BBOX1: variants seen among roughly 807,000 people sequenced by gnomAD.
BBOX1 encodes gamma-butyrobetaine dioxygenase.
In BBOX1, 35 loss-of-function variants were observed where a neutral mutation model predicts 41.6. The ratio of observed to expected loss-of-function variants is 0.84; its 90% CI spans 0.64 to 1.11. The LOEUF is 1.11. BBOX1 is among the 50% of genes most tolerant of loss of function. The pLI, the probability that BBOX1 is intolerant of heterozygous loss-of-function variation, is 0.00. For missense variants in BBOX1, 458 were observed against 460.6 expected (o/e 0.99, Z 0.05); for synonymous variants, 163 against 154.7 (o/e 1.05, Z -0.40).
At chr11:27,116,484 A>T (rs1859268721) in intron 6 of BBOX1, among the ~76,000 whole-genome samples, 1 of 143,422 alleles carries the variant, frequency 7.0e-6, no homozygotes, top group Non-Finnish European at 1.5e-5. Flanking sequence ...AAAAAAAAAA[A>T]TAATAACTCA....
At chr11:27,048,092 T>C (rs772458023) in intron 2 of BBOX1, among the ~76,000 whole-genome samples, 8 of 152,156 alleles carry the variant, frequency 5.3e-5, no homozygotes, top group African/African-American at 1.9e-4. Flanking sequence ...TAACTTTACA[T>C]AGTTATCATT....
At chr11:27,113,768 C>G (rs1019215629) in intron 5 of BBOX1, among the ~76,000 whole-genome samples, 1 of 150,968 alleles carries the variant, frequency 6.6e-6, no homozygotes, top group Non-Finnish European at 1.5e-5. Flanking sequence ...TGCAATTTAC[C>G]TATATAACAA....
At chr11:27,067,077 G>A (rs1857310408) in intron 4 of BBOX1, among the ~76,000 whole-genome samples, 1 of 152,114 alleles carries the variant, frequency 6.6e-6, no homozygotes, top group South Asian at 2.1e-4. Flanking sequence ...TTCTCAAGCA[G>A]TGCAATGTTG....
chr11:27,074,564 G>C (rs1008586950), intron 4 of BBOX1, among the ~76,000 whole-genome samples: 24 of 152,108 alleles, frequency 1.6e-4, no homozygotes, highest in African/African-American at 5.8e-4. Flanking sequence ...AAGAAGAAAG[G>C]CAGCATTTTG....
At position 27,115,526 on chromosome 11, in the gene BBOX1, C is replaced by T. The variant is rs373922392; in HGVS notation, c.608C>T (p.Thr203Ile). ...AYTTGKLSFH[T>I]DYPALHHPPG... is the part of the protein sequence containing the mutation. ...ACAACTGGGAAGCTAAGCTTTCACA[C>T]TGATTATCCAGCCCTCCATCATCCA... The change falls in exon 6 of 9, where the codon ACT (threonine) becomes ATT (isoleucine). Residue 203 changes from threonine (T) to isoleucine (I), a missense_variant. By Grantham distance (89) the Thr-to-Ile change is moderately conservative. Coordinates refer to ENST00000263182, the MANE Select transcript of BBOX1 (RefSeq NM_003986.3). The T allele has an allele frequency of 1.9e-6, 3 of 1,611,032 alleles. No homozygotes were observed. Among genetic ancestry groups the T allele is most frequent in the East Asian group, 2.2e-5 (1 of 44,752 alleles).
chr11:27,093,740 G>T (rs1283543573), intron 5 of BBOX1, among the ~76,000 whole-genome samples: 2 of 151,938 alleles, frequency 1.3e-5, no homozygotes, highest in East Asian at 3.9e-4. Flanking sequence ...TTCTGATGAG[G>T]CTTATGTCTT....
intron 4 of BBOX1, among the ~76,000 whole-genome samples, chr11:27,058,301 C>G (rs1857045028): frequency 6.6e-6 from 1 of 152,162 alleles, no homozygotes; most frequent in Admixed American, 6.5e-5. Context: ...TCCTGTATAG[C>G]CTGCAAAACC....
Position 27,056,350 on chromosome 11 carries a change from C to T in BBOX1, c.219+701C>T, listed in dbSNP as rs146666303. Among the ~76,000 whole-genome samples, 364 of 152,148 alleles carry T rather than the reference C, an allele frequency of 2.4e-3. 3 individuals are homozygous for T. The highest frequency in any genetic ancestry group is 8.4e-3 in the African/African-American group (350 of 41,506). On this transcript the variant is annotated intron_variant, in intron 3 of 8. Coordinates refer to ENST00000263182, the MANE Select transcript of BBOX1 (RefSeq NM_003986.3). ...TCAGCTCACTGCAACTTCCGCCTCC[C>T]GGGTTCAAGCAATTCTCCTGCCTCA...
chr11:27,075,600 G>A (rs1857607021), intron 4 of BBOX1, among the ~76,000 whole-genome samples: 1 of 152,128 alleles, frequency 6.6e-6, no homozygotes, highest in South Asian at 2.1e-4. Context: ...CCACCTCCCA[G>A]TCACACTCCT....
At chr11:27,090,068 A>G (rs992505039) in intron 4 of BBOX1, among the ~76,000 whole-genome samples, 2 of 152,006 alleles carry the variant, frequency 1.3e-5, no homozygotes, top group Non-Finnish European at 2.9e-5. Context: ...GGCTCTTACC[A>G]TATGAAATCA....
chr11:27,071,381 C>CA (rs573465578), intron 4 of BBOX1, among the ~76,000 whole-genome samples: 4,887 of 134,362 alleles, frequency 0.036, 214 homozygotes, highest in African/African-American at 0.1. Context: ...GACTCCATCT[C>CA]AAAAAAAAAA....
chr11:27,092,640 G>A (rs1349805838), intron 4 of BBOX1, among the ~76,000 whole-genome samples: 2 of 151,868 alleles, frequency 1.3e-5, no homozygotes, highest in Admixed American at 6.6e-5. Flanking sequence ...TGACCCCAAA[G>A]GATCACTTGA....
rs1037824657 is a variant in BBOX1 at position 27,123,732 on chromosome 11, C to A, written c.837-1922C>A. On this transcript the variant is annotated intron_variant, in intron 7 of 8. Coordinates refer to ENST00000263182, the MANE Select transcript of BBOX1 (RefSeq NM_003986.3). ...CCACTAAATCCTAGAGGTACACAGT[C>A]TTTTCTACTGACTTCCCTTCCATCT... 7.2e-5 allele frequency among the ~76,000 whole-genome samples: 11 copies of A among 152,156 alleles called. No individual in the cohort carries two copies. In the East Asian group the frequency reaches 7.7e-4, roughly 11 times the overall value.
At chr11:27,123,613 T>C (rs1221761574) in intron 7 of BBOX1, among the ~76,000 whole-genome samples, 3 of 152,050 alleles carry the variant, frequency 2.0e-5, no homozygotes, top group African/African-American at 7.2e-5. Context: ...GCAGTTAATA[T>C]CAAAAGGCAA....
chr11:27,069,849 G>A (rs1407414746), intron 4 of BBOX1, among the ~76,000 whole-genome samples: 1 of 151,994 alleles, frequency 6.6e-6, no homozygotes, highest in Non-Finnish European at 1.5e-5. Flanking sequence ...TACCTAAAGG[G>A]ATGCTGAATT....
intron 5 of BBOX1, among the ~76,000 whole-genome samples, chr11:27,094,513 A>T (rs892634714): frequency 6.6e-6 from 1 of 152,004 alleles, no homozygotes; most frequent in Non-Finnish European, 1.5e-5. Context: ...TTGAAAAATC[A>T]TATCTAGCAA....
At chr11:27,111,490 T>A (rs773718234) in intron 5 of BBOX1, among the ~76,000 whole-genome samples, 15 of 152,066 alleles carry the variant, frequency 9.9e-5, no homozygotes, top group Non-Finnish European at 1.6e-4. Context: ...CCCCCAAAAA[T>A]TAAAAGCTGA....
intron 6 of BBOX1, among the ~76,000 whole-genome samples, chr11:27,116,448 T>C (rs991046551): frequency 7.2e-6 from 1 of 139,268 alleles, no homozygotes; most frequent in Non-Finnish European, 1.5e-5. Context: ...ATTCTGCACA[T>C]GTATCCCAGA....
At chr11:27,062,128 G>T (rs1857148287) in intron 4 of BBOX1, among the ~76,000 whole-genome samples, 1 of 152,156 alleles carries the variant, frequency 6.6e-6, no homozygotes, top group African/African-American at 2.4e-5. Flanking sequence ...GTCAGGCAAA[G>T]ATAGATAGAA....
Sources: gnomAD v4.1 joint callset for allele counts (sites outside exome capture counted in the v4.1 genomes callset) on GRCh38, gnomAD v4.1.1 for gene constraint, MANE v1.5 for transcripts, NCBI Gene and HGNC (gene_info 2026-07-23, HGNC 2026-07-21) for gene names.